Variants in LRP1B observed in about 807,000 individuals in gnomAD.
LRP1B encodes LDL receptor related protein 1B.
In LRP1B, 217 loss-of-function variants were observed where a neutral mutation model predicts 556.6. The ratio of observed to expected loss-of-function variants is 0.39; its 90% CI spans 0.35 to 0.44. The LOEUF (loss-of-function observed/expected upper bound fraction) is 0.44. Ranked by LOEUF, LRP1B falls within the 20% of genes least tolerant of loss-of-function variation. LRP1B has a pLI of 1.00. For synonymous variants in LRP1B, 2,047 were observed against 1,865.8 expected, an observed-to-expected ratio of 1.10 and a Z score of -2.50; for missense variants, 5,053 against 5,620.8, an observed-to-expected ratio of 0.90 and a Z score of 3.23.
At chr2:140,992,824 A>AT (rs761644665) in intron 16 of LRP1B, among the ~76,000 whole-genome samples, 1 of 151,866 alleles carries the variant, frequency 6.6e-6, no homozygotes, top group Non-Finnish European at 1.5e-5. Context: ...TAGTATTTAA[A>AT]TTTTTTTTGT....
intron 2 of LRP1B, among the ~76,000 whole-genome samples, chr2:141,561,826 AG>A (rs144086868): frequency 0.05 from 7,586 of 151,822 alleles, 310 homozygotes; most frequent in East Asian, 0.12. Flanking sequence ...CAAAAAAATA[AG>A]TGAATTCTTC....
At position 141,295,455 on chromosome 2, in the gene LRP1B, A is replaced by G. The variant is rs114808816; in HGVS notation, c.344-40814T>C. Among the ~76,000 whole-genome samples the G allele has an allele frequency of 2.2e-3, 328 of 152,194 alleles. 1 individual carries two copies. The highest frequency in any genetic ancestry group is 7.3e-3 in the African/African-American group (304 of 41,532). ...TTGACCTAGGTTTTAATGAATCTCA[A>G]TTTAGGGAGGAAAAAAAATTGTCAA... On this transcript the variant is annotated intron_variant, in intron 3 of 90. Coordinates refer to ENST00000389484, the MANE Select transcript of LRP1B (RefSeq NM_018557.3).
chr2:141,481,710 G>C (rs1682924433), intron 2 of LRP1B, among the ~76,000 whole-genome samples: 1 of 152,162 alleles, frequency 6.6e-6, no homozygotes, highest in Admixed American at 6.6e-5. Flanking sequence ...ATAGCAGAGT[G>C]CTTAACAGAC....
chr2:141,663,917 C>T (rs948305212), intron 2 of LRP1B, among the ~76,000 whole-genome samples: 1 of 119,972 alleles, frequency 8.3e-6, no homozygotes, highest in Non-Finnish European at 1.7e-5. Flanking sequence ...TGCAGAGATA[C>T]ATCAAAAAAA....
At chr2:141,237,164 G>T (rs909612687) in intron 5 of LRP1B, among the ~76,000 whole-genome samples, 3 of 152,104 alleles carry the variant, frequency 2.0e-5, no homozygotes, top group Non-Finnish European at 2.9e-5. Flanking sequence ...TGTGGACAAC[G>T]AGTGACATGA....
At chr2:141,129,422 G>A (rs149489233) in intron 7 of LRP1B, among the ~76,000 whole-genome samples, 1 of 152,146 alleles carries the variant, frequency 6.6e-6, no homozygotes, top group African/African-American at 2.4e-5. Flanking sequence ...GTTTACTGAG[G>A]AAGAACTTGT....
chr2:140,334,179 CTG>C (rs1680958039), intron 79 of LRP1B, among the ~76,000 whole-genome samples: 1 of 151,962 alleles, frequency 6.6e-6, no homozygotes, highest in African/African-American at 2.4e-5. Flanking sequence ...TTGCTATAAA[CTG>C]TCAAAATTTC....
chr2:140,365,880 C>T (rs1682739041), intron 71 of LRP1B, among the ~76,000 whole-genome samples: 1 of 151,606 alleles, frequency 6.6e-6, no homozygotes, highest in Non-Finnish European at 1.5e-5. Context: ...AGTGGTCATC[C>T]TTAAAAGCCT....
rs192477208 is a variant in LRP1B at position 141,342,206 on chromosome 2, C to T, written c.344-87565G>A. Among the ~76,000 whole-genome samples the T allele has an allele frequency of 6.0e-3, 874 of 146,324 alleles. 25 individuals are homozygous for T. Among genetic ancestry groups the T allele is most frequent in the Admixed American group, 0.051 (734 of 14,484 alleles). On this transcript the variant is annotated intron_variant, in intron 3 of 90. Coordinates refer to ENST00000389484, the MANE Select transcript of LRP1B (RefSeq NM_018557.3). ...TTGCAGTGAGCCGAGATCGTGCCAC[C>T]GCACTCCAGCCAGGGTGACAGAGTG...
chr2:140,938,833 T>C (rs149192004), intron 20 of LRP1B, among the ~76,000 whole-genome samples: 12 of 152,212 alleles, frequency 7.9e-5, no homozygotes, highest in East Asian at 5.8e-4. Context: ...CTAAATGATA[T>C]ATACAGAAAA....
rs1223659199 is a variant in LRP1B at position 140,247,074 on chromosome 2, T to C, written c.13324+12A>G. 1.3e-6 allele frequency: 2 copies of C among 1,595,354 alleles called. No individual in the cohort carries two copies. The highest frequency in any genetic ancestry group is 1.3e-5 in the African/African-American group (1 of 74,184). ...GTGTAGATTACCCAAAATATTAATC[T>C]GAGAAACTTACTTGTGCTGATATGA... On this transcript the variant is annotated intron_variant, in intron 87 of 90. Coordinates refer to ENST00000389484, the MANE Select transcript of LRP1B (RefSeq NM_018557.3).
chr2:142,101,899 T>G (rs1193486073), intron 1 of LRP1B, among the ~76,000 whole-genome samples: 1 of 152,002 alleles, frequency 6.6e-6, no homozygotes, highest in Non-Finnish European at 1.5e-5. Flanking sequence ...ACATAAACCA[T>G]TACTTGAACA....
chr2:140,282,622 G>A (rs1388769783), intron 84 of LRP1B, among the ~76,000 whole-genome samples: 1 of 151,702 alleles, frequency 6.6e-6, no homozygotes, highest in African/African-American at 2.4e-5. Context: ...GAATATTAAA[G>A]GATCCTGTAG....
chr2:141,520,199 A>G (rs1684480433), intron 2 of LRP1B, among the ~76,000 whole-genome samples: 3 of 152,186 alleles, frequency 2.0e-5, no homozygotes, highest in Admixed American at 2.0e-4. Flanking sequence ...ATTCCTAAAT[A>G]AGAATAAGGC....
chr2:140,813,637 T>G lies in LRP1B; in HGVS notation c.5359+20A>C. 1 of 1,611,076 alleles carries G rather than the reference T, an allele frequency of 6.2e-7. No homozygotes were observed. The highest frequency in any genetic ancestry group is 8.5e-7 in the Non-Finnish European group (1 of 1,178,010). ...CCCAATCAATACAAAGCAACCAAGC[T>G]ATAGAATAATTTCACTTACCCATGA... On this transcript the variant is annotated intron_variant, in intron 32 of 90. Transcript: ENST00000389484.
intron 7 of LRP1B, among the ~76,000 whole-genome samples, chr2:141,063,416 A>G (rs547585437): frequency 6.6e-6 from 1 of 152,026 alleles, no homozygotes; most frequent in Non-Finnish European, 1.5e-5. Flanking sequence ...TATTTGTAAT[A>G]GTACAAGCTA....
At position 142,115,673 on chromosome 2, in the gene LRP1B, AATATATATATAATATATATGTAAT is replaced by A. The variant is rs1559080193; in HGVS notation, c.82+14951_82+14974del. Among the ~76,000 whole-genome samples, 9 of 3,412 alleles carry A rather than the reference AATATATATATAATATATATGTAAT, an allele frequency of 2.6e-3. 3 individuals carry two copies. Among genetic ancestry groups the A allele is most frequent in the African/African-American group, 5.2e-3 (9 of 1,732 alleles). The allele number at this position is 3,412 out of a possible 152,430, so 2.2% of individuals were successfully genotyped here. On this transcript the variant is annotated intron_variant, in intron 1 of 90. Coordinates refer to ENST00000389484, the MANE Select transcript of LRP1B (RefSeq NM_018557.3). ...TATATTATATGTAATATATATATGT[AATATATATATAATATATATGTAAT>A]ATATATATAATATATATGTAATATA...
rs1038430016 is a variant in LRP1B, at chr2:141,072,391, A to C, written c.1014-10118T>G. Among the ~76,000 whole-genome samples the C allele has an allele frequency of 1.1e-4, 17 of 152,182 alleles. No homozygotes were observed. In the South Asian group the frequency reaches 2.3e-3, roughly 20 times the overall value. ...GGAAGTCAGTATCCCATAGATATTG[A>C]AATGTCTACAGGATAATTAATCCAA... On this transcript the variant is annotated intron_variant, in intron 7 of 90. Transcript: ENST00000389484.
intron 1 of LRP1B, among the ~76,000 whole-genome samples, chr2:142,017,711 C>A (rs1291106274): frequency 1.3e-5 from 2 of 151,980 alleles, no homozygotes; most frequent in Non-Finnish European, 2.9e-5. Flanking sequence ...CACAGTGGGA[C>A]CCTGTCTCTA....
Sources: gnomAD v4.1 joint callset for allele counts (sites outside exome capture counted in the v4.1 genomes callset) on GRCh38, gnomAD v4.1.1 for gene constraint, MANE v1.5 for transcripts, NCBI Gene and HGNC (gene_info 2026-07-23, HGNC 2026-07-21) for gene names.